BCKDHB: variants seen among roughly 807,000 people sequenced by gnomAD.
BCKDHB encodes the protein branched chain keto acid dehydrogenase E1 subunit beta.
BCKDHB carries 41 observed loss-of-function variants against 48.5 expected under a neutral mutation model. That is an observed-to-expected ratio of 0.85 (90% confidence interval 0.66 to 1.10). The LOEUF (loss-of-function observed/expected upper bound fraction) is 1.10, where lower values mean the gene tolerates loss of function less well. Among genes scored for constraint, BCKDHB ranks in the 50% least tolerant of loss-of-function variants. The pLI is 0.00. For synonymous variants in BCKDHB, 201 were observed against 174.8 expected (o/e 1.15, Z -1.18); for missense variants, 496 against 494.2 (o/e 1.00, Z -0.03).
chr6:80,206,818 G>GA (rs1434043348), intron 8 of BCKDHB, among the ~76,000 whole-genome samples: 7 of 151,664 alleles, frequency 4.6e-5, no homozygotes, highest in Non-Finnish European at 5.9e-5. Flanking sequence ...AGAAGAGAGA[G>GA]AAAATCTCTA....
At chr6:80,159,712 G>A (rs183529625) in intron 3 of BCKDHB, among the ~76,000 whole-genome samples, 2 of 152,274 alleles carry the variant, frequency 1.3e-5, no homozygotes, top group Admixed American at 6.5e-5. Flanking sequence ...ATTACTGGAT[G>A]TATTATTTAT....
intron 6 of BCKDHB, among the ~76,000 whole-genome samples, chr6:80,191,584 T>A (rs1325522724): frequency 6.6e-6 from 1 of 152,208 alleles, no homozygotes; most frequent in African/African-American, 2.4e-5. Context: ...TCTCTGGTAT[T>A]GGATTGTGAC....
chr6:80,123,940 G>T (rs1582184040), intron 1 of BCKDHB, among the ~76,000 whole-genome samples: 1 of 152,080 alleles, frequency 6.6e-6, no homozygotes, highest in East Asian at 1.9e-4. Flanking sequence ...GCTAGCTTTT[G>T]AATTTATTTG....
At chr6:80,291,858 G>A (rs1327502929) in intron 9 of BCKDHB, among the ~76,000 whole-genome samples, 1 of 152,088 alleles carries the variant, frequency 6.6e-6, no homozygotes, top group Non-Finnish European at 1.5e-5. Context: ...AGACCAAGTT[G>A]TTTTATTATA....
intron 9 of BCKDHB, among the ~76,000 whole-genome samples, chr6:80,310,885 A>C (rs895396392): frequency 6.6e-6 from 1 of 151,736 alleles, no homozygotes; most frequent in Non-Finnish European, 1.5e-5. Context: ...TGATGGCCAC[A>C]TGTATGTCTT....
chr6:80,191,932 T>C (rs1773918372), intron 6 of BCKDHB, among the ~76,000 whole-genome samples: 1 of 152,164 alleles, frequency 6.6e-6, no homozygotes, highest in African/African-American at 2.4e-5. Context: ...GCTGCATCAC[T>C]GATGTGCTTG....
At chr6:80,309,489 A>G (rs1257908585) in intron 9 of BCKDHB, among the ~76,000 whole-genome samples, 1 of 152,206 alleles carries the variant, frequency 6.6e-6, no homozygotes, top group African/African-American at 2.4e-5. Flanking sequence ...TTAATTTTAT[A>G]AAAATATTTA....
At chr6:80,149,929 GTAAC>G (rs998829508) in intron 3 of BCKDHB, among the ~76,000 whole-genome samples, 28 of 151,958 alleles carry the variant, frequency 1.8e-4, no homozygotes, top group African/African-American at 4.8e-4. Context: ...ATATACATAT[GTAAC>G]TAACCTGCAC....
intron 8 of BCKDHB, among the ~76,000 whole-genome samples, chr6:80,244,793 T>A (rs1439312924): frequency 1.3e-5 from 2 of 152,196 alleles, no homozygotes; most frequent in African/African-American, 4.8e-5. Context: ...AGAAGAAAGA[T>A]GACTGTAACA....
chr6:80,417,481 C>T, the BCKDHB span, among the ~76,000 whole-genome samples: 1 of 152,092 alleles, frequency 6.6e-6, no homozygotes, highest in African/African-American at 2.4e-5. Context: ...TGTAATGGTC[C>T]TTCCTTTCCA....
intron 9 of BCKDHB, among the ~76,000 whole-genome samples, chr6:80,343,083 A>G (rs9352819): frequency 0.78 from 117,963 of 152,080 alleles, 46,134 homozygotes; most frequent in Admixed American, 0.84. Context: ...TAATAACCTG[A>G]GATTTGTACA....
intron 9 of BCKDHB, among the ~76,000 whole-genome samples, chr6:80,300,797 A>G (rs1322954547): frequency 6.6e-6 from 1 of 152,218 alleles, no homozygotes; most frequent in Non-Finnish European, 1.5e-5. Flanking sequence ...AAATGAAATC[A>G]TACCAAGCAT....
At chr6:80,391,168 CAT>C in the BCKDHB span, among the ~76,000 whole-genome samples, 14 of 146,148 alleles carry the variant, frequency 9.6e-5, no homozygotes, top group South Asian at 8.6e-4. Context: ...TTAATAAATG[CAT>C]ATATATATGT....
chr6:80,424,939 CT>C, the BCKDHB span, among the ~76,000 whole-genome samples: 6 of 152,148 alleles, frequency 3.9e-5, no homozygotes, highest in Non-Finnish European at 7.4e-5. Flanking sequence ...GTCTTTCTGG[CT>C]TTGAAGCTGC....
At chr6:80,260,141 T>C (rs1228672152) in intron 8 of BCKDHB, among the ~76,000 whole-genome samples, 1 of 152,142 alleles carries the variant, frequency 6.6e-6, no homozygotes, top group Non-Finnish European at 1.5e-5. Context: ...CTCTCACCGC[T>C]AGTTGCCTGG....
intron 1 of BCKDHB, among the ~76,000 whole-genome samples, chr6:80,123,901 G>A (rs191254262): frequency 8.6e-4 from 131 of 152,118 alleles, no homozygotes; most frequent in African/African-American, 3.0e-3. Flanking sequence ...TTTCAGTTCT[G>A]CTCTGATCTT....
At chr6:80,175,559 T>G (rs1773111082) in intron 6 of BCKDHB, among the ~76,000 whole-genome samples, 1 of 152,214 alleles carries the variant, frequency 6.6e-6, no homozygotes, top group South Asian at 2.1e-4. Context: ...GGAGATACAT[T>G]GGCAAAAATT....
At chr6:80,362,263 A>G in the BCKDHB span, among the ~76,000 whole-genome samples, 1 of 152,112 alleles carries the variant, frequency 6.6e-6, no homozygotes, top group Non-Finnish European at 1.5e-5. Flanking sequence ...TTTTGACTCA[A>G]AGCGACACTG....
At chr6:80,158,598 C>T (rs60044074) in intron 3 of BCKDHB, among the ~76,000 whole-genome samples, 5,155 of 152,174 alleles carry the variant, frequency 0.034, 290 homozygotes, top group African/African-American at 0.12. Context: ...CAATGACAGC[C>T]TTGGCCAACC....
Sources: allele counts gnomAD v4.1 joint callset (sites outside exome capture counted in the v4.1 genomes callset), GRCh38; gene constraint gnomAD v4.1.1; transcripts MANE v1.5; gene names NCBI Gene and HGNC (gene_info 2026-07-23, HGNC 2026-07-21).